The following UNC13A variants were observed in gnomAD, a reference collection of about 807,000 sequenced individuals.
The protein encoded by UNC13A is unc-13 homolog A, also known as protein unc-13 homolog A.
In UNC13A, 61 loss-of-function variants were observed where a neutral mutation model predicts 219.7. The observed-to-expected ratio is 0.28, with a 90% confidence interval of 0.23 to 0.34. The LOEUF (loss-of-function observed/expected upper bound fraction) is 0.34, where lower values mean the gene tolerates loss of function less well. UNC13A is among the 10% of genes least tolerant of loss of function. The pLI, the probability that UNC13A is intolerant of heterozygous loss-of-function variation, is 1.00. For synonymous variants in UNC13A, 920 were observed against 884.6 expected, an observed-to-expected ratio of 1.04 and a Z score of -0.71; for missense variants, 1,476 against 2,270.3, an observed-to-expected ratio of 0.65 and a Z score of 7.11.
rs780321647 is a variant in UNC13A at position 17,652,618 on chromosome 19, T to C, written c.1439+13A>G. ...CAAATCTTCCTCCCACCGCTCACAGTTTCATTACTTACCCGCCTTTGAACC... is the reference window on the plus strand; with the variant it reads ...CAAATCTTCCTCCCACCGCTCACAGCTTCATTACTTACCCGCCTTTGAACC... On this transcript the variant is annotated intron_variant, in intron 12 of 43. Transcript: ENST00000519716. 22 of 1,613,730 alleles carry C rather than the reference T, an allele frequency of 1.4e-5. No individual in the cohort carries two copies. In the South Asian group the frequency reaches 2.1e-4, roughly 15 times the overall value.
chr19:17,626,162 CAT>C (rs2076781584), intron 34 of UNC13A: 1 of 152,764 alleles, frequency 6.5e-6, no homozygotes, highest in Non-Finnish European at 1.5e-5. Context: ...TCCATCCATC[CAT>C]CCATCCATCC....
intron 1 of UNC13A, among the ~76,000 whole-genome samples, chr19:17,680,724 A>T (rs2079991143): frequency 6.6e-6 from 1 of 151,212 alleles, no homozygotes; most frequent in African/African-American, 2.4e-5. Flanking sequence ...GAATGATTAT[A>T]GTGTCATTTA....
rs148478994 is a variant in UNC13A at position 17,628,965 on chromosome 19, T to TCA, written c.3753+273_3753+274dup. 1.0e-3 allele frequency among the ~76,000 whole-genome samples: 154 copies of TCA among 149,354 alleles called. 2 individuals carry two copies. Among genetic ancestry groups the TCA allele is most frequent in the African/African-American group, 2.8e-3 (115 of 40,604 alleles). ...CACGCACACTCAGATGTGCACAGAC[T>TCA]CACACACACACACACACGCAGAGTA... On this transcript the variant is annotated intron_variant, in intron 31 of 43. Coordinates refer to ENST00000519716, the MANE Select transcript of UNC13A (RefSeq NM_001080421.3).
intron 27 of UNC13A, 37 bp from the exon 28 acceptor site, chr19:17,632,945 G>A (rs775059407): frequency 1.2e-6 from 2 of 1,613,216 alleles, no homozygotes; most frequent in African/African-American, 1.3e-5. Context: ...AGCTGGAAGG[G>A]TCTGCCACCC....
At chr19:17,680,897 T>TTTTTTTTTTTTTTTC in intron 1 of UNC13A, among the ~76,000 whole-genome samples, 1 of 102,742 alleles carries the variant, frequency 9.7e-6, no homozygotes. Context: ...TTCTTTTTTT[T>TTTTTTTTTTTTTTTC]TTTTTTTTTT....
At chr19:17,608,748 C>T (rs1006220008) in intron 43 of UNC13A, among the ~76,000 whole-genome samples, 1 of 151,768 alleles carries the variant, frequency 6.6e-6, no homozygotes, top group Admixed American at 6.6e-5. Flanking sequence ...GATCTCCTGA[C>T]CTCGTGATCT....
At chr19:17,611,556 G>A (rs901692760) in intron 42 of UNC13A, among the ~76,000 whole-genome samples, 3 of 152,204 alleles carry the variant, frequency 2.0e-5, no homozygotes, top group Admixed American at 2.0e-4. Context: ...AAGGAAAGCA[G>A]GGCTGAGAGA....
rs60867726 is a variant in UNC13A, at chr19:17,606,577, GTTC to G, written c.4812-226_4812-224del. On this transcript the variant is annotated intron_variant, in intron 43 of 43. Transcript: ENST00000519716. ...CCCGAGCTGGGCCACGCCCACGCCT[GTTC>G]TTCCCATTTTTCCACCCACCGAAAA... Among the ~76,000 whole-genome samples the G allele has an allele frequency of 9.0e-3, 1,367 of 152,238 alleles. 15 individuals carry two copies. Among genetic ancestry groups the G allele is most frequent in the African/African-American group, 0.029 (1,221 of 41,536 alleles).
chr19:17,669,198 GTC>G (rs2079728380), intron 5 of UNC13A, among the ~76,000 whole-genome samples: 1 of 152,184 alleles, frequency 6.6e-6, no homozygotes, highest in Non-Finnish European at 1.5e-5. Flanking sequence ...GTCTCTCTCT[GTC>G]TCTCTTTGTC....
At position 17,656,122 on chromosome 19, in the gene UNC13A, C is replaced by T. The variant is rs1336136657; in HGVS notation, c.1044G>A (p.Glu348=). The change falls in exon 10 of 44, where the codon GAG becomes GAA. Residue 348 remains glutamate, a synonymous_variant. Transcript: ENST00000519716. ...TGCCCAAATCGTCAGGCACCTCCTC[C>T]TCCTCCTCCTCCAGCTCCTCCTCAT... ...PEDEEELEEE[E]EEVPDDLGSY... is the part of the protein sequence containing the mutation. 5 of 1,549,018 alleles carry T rather than the reference C, an allele frequency of 3.2e-6. No individual in the cohort carries two copies. The highest frequency in any genetic ancestry group is 4.4e-6 in the Non-Finnish European group (5 of 1,144,312).
At position 17,672,362 on chromosome 19, in the gene UNC13A, G is replaced by A; in HGVS notation, c.270+16C>T. 6.2e-7 allele frequency: 1 copy of A among 1,609,078 alleles called. No individual in the cohort carries two copies. Among genetic ancestry groups the A allele is most frequent in the South Asian group, 1.1e-5 (1 of 90,876 alleles). On this transcript the variant is annotated intron_variant, in intron 4 of 43. Coordinates refer to ENST00000519716, the MANE Select transcript of UNC13A (RefSeq NM_001080421.3). ...GGCACTCCTCCTTCTTCACCCTCAG[G>A]CCACCCGCCACTCACCTCATTGGAC... is the stretch of plus-strand genomic sequence containing the variant.
intron 4 of UNC13A, 140 bp downstream of exon 4, chr19:17,672,238 G>A (rs1175473485): frequency 5.7e-6 from 4 of 702,198 alleles, no homozygotes; most frequent in Non-Finnish European, 7.4e-6. Context: ...AGTGACTTTG[G>A]AAGGTTCGTG....
chr19:17,644,195 G>C (rs1323588299), intron 19 of UNC13A, among the ~76,000 whole-genome samples: 1 of 151,990 alleles, frequency 6.6e-6, no homozygotes. Context: ...TCTTGTGGTG[G>C]GGGGTCGGGG....
In UNC13A at chr19:17,670,129, G is replaced by A. The variant is rs538468415; in HGVS notation, c.271-453C>T. Among the ~76,000 whole-genome samples, 4 of 151,704 alleles carry A rather than the reference G, an allele frequency of 2.6e-5. No individual in the cohort carries two copies. The South Asian group carries it at 8.3e-4, about 32-fold the overall frequency. ...GCCTGGCTGATTTTTTGTATATTTA[G>A]TAGAGACGGGGTTTCACCGTGTTAG... is the stretch of plus-strand genomic sequence containing the variant. On this transcript the variant is annotated intron_variant, in intron 4 of 43. Coordinates refer to ENST00000519716, the MANE Select transcript of UNC13A (RefSeq NM_001080421.3).
Position 17,656,348 on chromosome 19 carries a change from C to T in UNC13A, c.818G>A (p.Ser273Asn). ...YASSGELSQGSSQLSEDFDPD... is the reference protein window; with the variant it reads ...YASSGELSQGNSQLSEDFDPD... The stretch of plus-strand genomic sequence containing the variant: ...GTCGAAGTCCTCGCTCAGCTGAGAG[C>T]TTCCCTGGCTCAGCTCCCCGGAAGA... Residue 273 changes from serine (S) to asparagine (N), a missense_variant, in exon 10 of 44, where the codon AGC becomes AAC. Transcript: ENST00000519716. 1 of 1,557,702 alleles carries T rather than the reference C, an allele frequency of 6.4e-7. No individual in the cohort carries two copies. The highest frequency in any genetic ancestry group is 8.7e-7 in the Non-Finnish European group (1 of 1,151,836).
At chr19:17,611,604 A>G (rs4330038) in intron 42 of UNC13A, among the ~76,000 whole-genome samples, 159 bp downstream of exon 42, 1 of 152,234 alleles carries the variant, frequency 6.6e-6, no homozygotes, top group African/African-American at 2.4e-5. Context: ...AACTGTTTAC[A>G]CTGCTGGATC....
intron 4 of UNC13A, 76 bp downstream of exon 4, chr19:17,672,302 T>G: frequency 8.6e-7 from 1 of 1,166,078 alleles, no homozygotes; most frequent in Non-Finnish European, 1.3e-6. Context: ...TAAATGCCCA[T>G]CTTGTTTAGT....
chr19:17,684,615 A>G (rs2145936538), intron 1 of UNC13A, among the ~76,000 whole-genome samples: 3 of 152,342 alleles, frequency 2.0e-5, no homozygotes, highest in Non-Finnish European at 4.4e-5. Flanking sequence ...GCGGGCAGAG[A>G]TAAGGCCCAT....
intron 38 of UNC13A, among the ~76,000 whole-genome samples, chr19:17,619,424 C>T (rs1262781155): frequency 2.8e-5 from 4 of 145,390 alleles, no homozygotes; most frequent in African/African-American, 5.3e-5. Flanking sequence ...GAATTTCAGT[C>T]TGATTTTTCT....
Sources: allele counts gnomAD v4.1 joint callset (sites outside exome capture counted in the v4.1 genomes callset), GRCh38; gene constraint gnomAD v4.1.1; transcripts MANE v1.5; gene names NCBI Gene and HGNC (gene_info 2026-07-23, HGNC 2026-07-21).